The following MACROD2 variants were observed in gnomAD, a reference collection of about 807,000 sequenced individuals.
The protein encoded by MACROD2 is mono-ADP ribosylhydrolase 2, also known as ADP-ribose glycohydrolase MACROD2.
MACROD2 carries 36 observed loss-of-function variants against 70.4 expected under a neutral mutation model. The ratio of observed to expected loss-of-function variants is 0.51; its 90% confidence interval spans 0.39 to 0.68. The LOEUF (loss-of-function observed/expected upper bound fraction) is 0.68, where lower values mean the gene tolerates loss of function less well. Among genes scored for constraint, MACROD2 ranks in the 30% least tolerant of loss-of-function variants. The pLI, the probability that MACROD2 is intolerant of heterozygous loss-of-function variation, is 0.00. For synonymous variants in MACROD2, 172 were observed against 178.8 expected (o/e 0.96, Z 0.30); for missense variants, 496 against 538.4 (o/e 0.92, Z 0.78).
intron 5 of MACROD2, among the ~76,000 whole-genome samples, chr20:14,971,535 G>T (rs898427526): frequency 9.2e-5 from 14 of 152,068 alleles, no homozygotes; most frequent in African/African-American, 3.4e-4. Context: ...AATCACCGCA[G>T]AATCCAGGGG....
intron 10 of MACROD2, among the ~76,000 whole-genome samples, chr20:15,897,907 A>C (rs889363947): frequency 3.3e-5 from 5 of 152,054 alleles, no homozygotes; most frequent in African/African-American, 7.2e-5. Context: ...TTGGATTTTT[A>C]CTTATGGAAG....
chr20:14,518,170 A>G (rs1313560786), intron 4 of MACROD2, among the ~76,000 whole-genome samples: 1 of 152,060 alleles, frequency 6.6e-6, no homozygotes, highest in Non-Finnish European at 1.5e-5. Flanking sequence ...ATGTTTTATA[A>G]TTTATATTGC....
intron 6 of MACROD2, among the ~76,000 whole-genome samples, chr20:15,414,151 A>AG (rs757601593): frequency 1.2e-3 from 190 of 152,176 alleles, no homozygotes; most frequent in Admixed American, 2.8e-3. Flanking sequence ...GTTTCCTGTA[A>AG]TTTGCAGCAT....
chr20:15,735,647 A>G (rs549825763), intron 8 of MACROD2, among the ~76,000 whole-genome samples: 130 of 152,280 alleles, frequency 8.5e-4, no homozygotes, highest in African/African-American at 2.9e-3. Context: ...GTAACTTTCA[A>G]TTCTACTTTT....
intron 3 of MACROD2, among the ~76,000 whole-genome samples, chr20:14,086,650 G>A (rs972288741): frequency 6.6e-6 from 1 of 152,218 alleles, no homozygotes; most frequent in African/African-American, 2.4e-5. Context: ...CCAAAGTTCA[G>A]GGGTTTTGAG....
chr20:14,339,243 G>A (rs3789335), intron 3 of MACROD2, among the ~76,000 whole-genome samples: 29,766 of 152,064 alleles, frequency 0.2, 3,057 homozygotes, highest in East Asian at 0.31. Flanking sequence ...TTGCACTTTT[G>A]TGGGCCTCAG....
chr20:15,037,583 C>G (rs528452229), intron 5 of MACROD2, among the ~76,000 whole-genome samples: 4 of 152,276 alleles, frequency 2.6e-5, no homozygotes, highest in Non-Finnish European at 5.9e-5. Context: ...GAGATAGAGT[C>G]TTAAAGCGGC....
At chr20:15,831,486 G>A (rs937497159) in intron 8 of MACROD2, among the ~76,000 whole-genome samples, 3 of 152,194 alleles carry the variant, frequency 2.0e-5, no homozygotes, top group African/African-American at 7.2e-5. Flanking sequence ...AAAAAAAGAT[G>A]TATGCAGAAT....
At chr20:15,624,438 G>A (rs1157891185) in intron 8 of MACROD2, among the ~76,000 whole-genome samples, 2 of 152,182 alleles carry the variant, frequency 1.3e-5, no homozygotes, top group South Asian at 4.1e-4. Context: ...CATCACAGGA[G>A]ATAAATCCCT....
intron 5 of MACROD2, among the ~76,000 whole-genome samples, chr20:14,954,937 A>T (rs1216928391): frequency 3.7e-5 from 3 of 81,280 alleles, no homozygotes; most frequent in African/African-American, 1.0e-4. Context: ...TATATATTTA[A>T]TTATATAAGT....
rs530735371 is a variant in MACROD2 at position 15,930,764 on chromosome 20, A to C, written c.776-2512A>C. Among the ~76,000 whole-genome samples, 5 of 152,312 alleles carry C rather than the reference A, an allele frequency of 3.3e-5. No individual in the cohort carries two copies. The South Asian group carries it at 1.0e-3, about 32-fold the overall frequency. On this transcript the variant is annotated intron_variant, in intron 10 of 17. Transcript: ENST00000684519. ...TAGCACACAAGGAACTAAGGGTAAA[A>C]ACCCAGAAGCAGTAGACTAGGTAAA...
chr20:14,074,194 C>T (rs2148662682), intron 2 of MACROD2, among the ~76,000 whole-genome samples: 1 of 152,298 alleles, frequency 6.6e-6, no homozygotes, highest in Middle Eastern at 3.4e-3. Context: ...CTTGTTCCTG[C>T]TGTATTTGAA....
intron 15 of MACROD2, among the ~76,000 whole-genome samples, chr20:16,007,373 C>T (rs537322245): frequency 5.3e-5 from 8 of 152,256 alleles, no homozygotes; most frequent in African/African-American, 1.9e-4. Context: ...GTAGGTAAGA[C>T]TTAGAAGAAA....
intron 3 of MACROD2, among the ~76,000 whole-genome samples, chr20:14,287,833 G>T (rs1049085288): frequency 6.6e-6 from 1 of 151,974 alleles, no homozygotes; most frequent in Non-Finnish European, 1.5e-5. Flanking sequence ...GGCTACCCTC[G>T]GCTCTTAGAG....
chr20:14,455,335 T>C (rs897955523), intron 3 of MACROD2, among the ~76,000 whole-genome samples: 2 of 151,918 alleles, frequency 1.3e-5, no homozygotes, highest in African/African-American at 4.9e-5. Flanking sequence ...GGTTCAATTC[T>C]TATTTTATGT....
intron 5 of MACROD2, among the ~76,000 whole-genome samples, chr20:15,025,277 T>C (rs977317407): frequency 6.6e-6 from 1 of 152,102 alleles, no homozygotes; most frequent in Non-Finnish European, 1.5e-5. Flanking sequence ...TGTGTGTGTA[T>C]GTTCAATGAA....
intron 3 of MACROD2, among the ~76,000 whole-genome samples, chr20:14,115,476 A>G (rs2054503090): frequency 6.6e-6 from 1 of 152,162 alleles, no homozygotes; most frequent in South Asian, 2.1e-4. Flanking sequence ...CTCAAGCTAG[A>G]CTTAGGTTGG....
intron 8 of MACROD2, among the ~76,000 whole-genome samples, chr20:15,650,776 A>G (rs2049630881): frequency 6.6e-6 from 1 of 152,148 alleles, no homozygotes; most frequent in Non-Finnish European, 1.5e-5. Flanking sequence ...TATGCAAAAG[A>G]TGCTAAAATA....
chr20:15,271,561 G>T (rs1264552577), intron 6 of MACROD2, among the ~76,000 whole-genome samples: 1 of 152,224 alleles, frequency 6.6e-6, no homozygotes, highest in Non-Finnish European at 1.5e-5. Context: ...GCATTTGTTA[G>T]ATGTTGAATA....
Sources: gnomAD v4.1 joint callset for allele counts (sites outside exome capture counted in the v4.1 genomes callset) on GRCh38, gnomAD v4.1.1 for gene constraint, MANE v1.5 for transcripts, NCBI Gene and HGNC (gene_info 2026-07-23, HGNC 2026-07-21) for gene names.